Variants in STAM2 observed in about 807,000 individuals in gnomAD.
The protein encoded by STAM2 is signal transducing adapter molecule 2.
A neutral mutation model predicts 65.6 loss-of-function variants in STAM2; 51 were observed. The ratio of observed to expected loss-of-function variants is 0.78; its 90% CI spans 0.62 to 0.98. The LOEUF is 0.98. Ranked by LOEUF, STAM2 falls within the 50% of genes least tolerant of loss-of-function variation. STAM2 has a pLI of 0.00. For synonymous variants in STAM2, 198 were observed against 208.4 expected, an observed-to-expected ratio of 0.95 and a Z score of 0.43; for missense variants, 584 against 617.8, an observed-to-expected ratio of 0.95 and a Z score of 0.58.
chr2:152,173,851 G>A (rs1405569699), intron 1 of STAM2, among the ~76,000 whole-genome samples: 2 of 152,162 alleles, frequency 1.3e-5, no homozygotes, highest in Non-Finnish European at 2.9e-5. Flanking sequence ...AGAAGTTACA[G>A]GAGGGCCTCA....
intron 1 of STAM2, among the ~76,000 whole-genome samples, chr2:152,157,537 C>T (rs907316998): frequency 6.6e-6 from 1 of 152,180 alleles, no homozygotes; most frequent in African/African-American, 2.4e-5. Flanking sequence ...GAGGGCACAG[C>T]AATAAGGGGG....
At chr2:152,171,002 GAAGA>G (rs771576289) in intron 1 of STAM2, among the ~76,000 whole-genome samples, 3 of 152,244 alleles carry the variant, frequency 2.0e-5, no homozygotes, top group Non-Finnish European at 4.4e-5. Context: ...TCTCAAAAAA[GAAGA>G]AATGCTGGAT....
At chr2:152,148,765 T>C (rs1689382789) in intron 2 of STAM2, among the ~76,000 whole-genome samples, 1 of 152,062 alleles carries the variant, frequency 6.6e-6, no homozygotes, top group Non-Finnish European at 1.5e-5. Flanking sequence ...ATTTTGTTTA[T>C]AGGCTCATAG....
intron 1 of STAM2, among the ~76,000 whole-genome samples, chr2:152,155,892 A>AT (rs1179411346): frequency 2.0e-5 from 3 of 152,054 alleles, no homozygotes; most frequent in African/African-American, 7.2e-5. Flanking sequence ...ATTTTTACGA[A>AT]TTTTTTGTCA....
chr2:152,159,083 CA>C (rs1247320470), intron 1 of STAM2, among the ~76,000 whole-genome samples: 8 of 71,666 alleles, frequency 1.1e-4, no homozygotes, highest in African/African-American at 5.4e-4. Context: ...AAAAGCTAGC[CA>C]AAAAAAAACC....
intron 12 of STAM2, chr2:152,124,184 A>G (rs960399125): frequency 4.6e-6 from 2 of 432,282 alleles, no homozygotes; most frequent in Admixed American, 7.7e-5. Flanking sequence ...CAGGTGGTGT[A>G]CTTTTAAGTA....
chr2:152,170,426 C>A (rs1044875097), intron 1 of STAM2, among the ~76,000 whole-genome samples: 26 of 148,686 alleles, frequency 1.7e-4, no homozygotes, highest in Non-Finnish European at 3.7e-4. Flanking sequence ...GAGGTTGCAG[C>A]GAGCTGAGAT....
intron 1 of STAM2, among the ~76,000 whole-genome samples, chr2:152,151,044 CAACGAAATATG>C (rs1689435051): frequency 6.6e-6 from 1 of 151,688 alleles, no homozygotes; most frequent in African/African-American, 2.4e-5. Flanking sequence ...TAAATTCATA[CAACGAAATATG>C]AAATGAGGAA....
intron 12 of STAM2, 134 bp from the exon 13 acceptor site, chr2:152,124,069 C>T: frequency 1.4e-6 from 1 of 704,588 alleles, no homozygotes; most frequent in South Asian, 2.2e-5. Context: ...CCAATCTATC[C>T]ATCTTAGAAC....
chr2:152,155,034 T>G (rs1165538074), intron 1 of STAM2, among the ~76,000 whole-genome samples: 1 of 152,216 alleles, frequency 6.6e-6, no homozygotes, highest in African/African-American at 2.4e-5. Context: ...CTAAAGATGT[T>G]TCATAGCATT....
Position 152,144,010 on chromosome 2 carries a change from A to AT in STAM2, c.520dup (p.Ile174AsnfsTer2). The AT allele has an allele frequency of 6.2e-7, 1 of 1,601,342 alleles. No individual in the cohort carries two copies. The highest frequency in any genetic ancestry group is 8.5e-7 in the Non-Finnish European group (1 of 1,177,384). On this transcript the variant is annotated frameshift_variant, in exon 7 of 14. Coordinates refer to ENST00000263904, the MANE Select transcript of STAM2 (RefSeq NM_005843.6). LOFTEE classifies it high-confidence loss of function. ...TTTCTGTTCTTGCAGCGATAATTCA[A>AT]TAGCTAGTTTCAAAAATTAAAATGC...
chr2:152,168,166 T>C (rs1689825811), intron 1 of STAM2, among the ~76,000 whole-genome samples: 1 of 151,936 alleles, frequency 6.6e-6, no homozygotes, highest in Non-Finnish European at 1.5e-5. Context: ...AAGGCCTATT[T>C]TTTTTTTCTT....
At chr2:152,124,086 T>G in intron 12 of STAM2, 151 bp from the exon 13 acceptor site, 1 of 635,832 alleles carries the variant, frequency 1.6e-6, no homozygotes, top group Non-Finnish European at 2.6e-6. Context: ...GAACTAAAAG[T>G]GGAGAGCTGT....
chr2:152,139,466 A>C (rs1372255886), intron 7 of STAM2, among the ~76,000 whole-genome samples: 2 of 152,192 alleles, frequency 1.3e-5, no homozygotes, highest in African/African-American at 2.4e-5. Flanking sequence ...CTGAGGGAGG[A>C]GGCCTGCTTG....
Position 152,120,558 on chromosome 2 carries a change from A to C in STAM2, c.*16T>G. The C allele has an allele frequency of 5.0e-6, 8 of 1,610,984 alleles. No individual in the cohort carries two copies. The highest frequency in any genetic ancestry group is 5.9e-6 in the Non-Finnish European group (7 of 1,177,372). On this transcript the variant is annotated 3_prime_UTR_variant, in exon 14 of 14. Coordinates refer to ENST00000263904, the MANE Select transcript of STAM2 (RefSeq NM_005843.6). ...ATACACTTATGAAGGCTTTCAAGAA[A>C]ATGCTTGATTTGTTTCTAAAGGAGA... is the stretch of plus-strand genomic sequence containing the variant.
intron 11 of STAM2, among the ~76,000 whole-genome samples, chr2:152,130,794 C>T (rs930772295): frequency 9.9e-5 from 15 of 151,210 alleles, no homozygotes; most frequent in African/African-American, 3.1e-4. Flanking sequence ...GTCAGGAGTT[C>T]GAGATCAGCC....
rs1347921512 is a variant in STAM2 at position 152,118,677 on chromosome 2, CTA to C, written c.*1895_*1896del. 6.6e-6 allele frequency: 1 copy of C among 150,688 alleles called. No homozygotes were observed. The highest frequency in any genetic ancestry group is 1.5e-5 in the Non-Finnish European group (1 of 67,740). The allele number at this position is 150,688 out of a possible 1,614,324, so 9.3% of individuals were successfully genotyped here. A position where few individuals can be genotyped will look rare whatever the true frequency, so the allele number is the denominator to read the frequency against. On this transcript the variant is annotated 3_prime_UTR_variant, in exon 14 of 14. Transcript: ENST00000263904. ...AATTCCATATATATGCAAATGTTGACTATTATCGAGAGCAGCTTTGGATTTTT... is the reference window on the plus strand; with the variant it reads ...AATTCCATATATATGCAAATGTTGACTTATCGAGAGCAGCTTTGGATTTTT...
chr2:152,159,864 G>C (rs980963221), intron 1 of STAM2, among the ~76,000 whole-genome samples: 1 of 152,202 alleles, frequency 6.6e-6, no homozygotes, highest in Admixed American at 6.5e-5. Flanking sequence ...CAGTGCCTGC[G>C]ATTGCAGGCG....
At chr2:152,155,451 TG>T in intron 1 of STAM2, among the ~76,000 whole-genome samples, 1 of 152,320 alleles carries the variant, frequency 6.6e-6, no homozygotes, top group Middle Eastern at 3.4e-3. Flanking sequence ...CAACACCACA[TG>T]GCAACAAAAC....
Sources: gnomAD v4.1 joint callset for allele counts (sites outside exome capture counted in the v4.1 genomes callset) on GRCh38, gnomAD v4.1.1 for gene constraint, MANE v1.5 for transcripts, NCBI Gene and HGNC (gene_info 2026-07-23, HGNC 2026-07-21) for gene names.